Variants in TSGA10 observed in about 807,000 individuals in gnomAD.
TSGA10 encodes the protein testis specific 10.
In TSGA10, 43 loss-of-function variants were observed where a neutral mutation model predicts 96.6. That is an observed-to-expected ratio of 0.44 (90% CI 0.35 to 0.57). The LOEUF (loss-of-function observed/expected upper bound fraction) is 0.57, where lower values mean the gene tolerates loss of function less well. Ranked by LOEUF, TSGA10 falls within the 20% of genes least tolerant of loss-of-function variation. The pLI, the probability that TSGA10 is intolerant of heterozygous loss-of-function variation, is 0.01. For synonymous variants in TSGA10, 229 were observed against 269.9 expected, an observed-to-expected ratio of 0.85 and a Z score of 1.48; for missense variants, 703 against 834.4, an observed-to-expected ratio of 0.84 and a Z score of 1.94.
chr2:99,071,792 C>T lies in TSGA10; in HGVS notation c.1021G>A (p.Ala341Thr). ...ATATCTCTTTCCCTGGCGATCTGGG[C>T]CAGCTCATCATTTGTCTCATCCAAT... ...RQLDETNDEL[A>T]QIARERDILA... Residue 341 changes from alanine (A) to threonine (T), a missense_variant, in exon 14 of 21, where the codon GCC becomes ACC. Physicochemically the swap from Ala to Thr is moderately conservative, Grantham distance 58 (BLOSUM62 0). This residue lies in a region of TSGA10 where 585 missense variants were observed against 656.8 expected (regional missense o/e 0.89). Transcript: ENST00000393483. 6.2e-7 allele frequency: 1 copy of T among 1,614,010 alleles called. No individual in the cohort carries two copies. Among genetic ancestry groups the T allele is most frequent in the South Asian group, 1.1e-5 (1 of 91,076 alleles).
intron 16 of TSGA10, among the ~76,000 whole-genome samples, chr2:99,060,459 G>T (rs1212571962): frequency 6.6e-6 from 1 of 152,124 alleles, no homozygotes; most frequent in East Asian, 1.9e-4. Flanking sequence ...ATAAATAAAT[G>T]AGTGGATACA....
At chr2:99,084,764 A>C (rs1407997137) in intron 10 of TSGA10, among the ~76,000 whole-genome samples, 12 of 151,818 alleles carry the variant, frequency 7.9e-5, no homozygotes, top group Non-Finnish European at 1.8e-4. Context: ...CGTCTCTCCC[A>C]TCCCCCCATA....
intron 10 of TSGA10, among the ~76,000 whole-genome samples, chr2:99,091,442 AGT>A (rs2089323544): frequency 1.3e-5 from 2 of 152,212 alleles, no homozygotes; most frequent in Non-Finnish European, 2.9e-5. Context: ...TGAATAGAAT[AGT>A]GTGTCACATC....
At chr2:99,096,745 T>C (rs1407849955) in intron 10 of TSGA10, among the ~76,000 whole-genome samples, 1 of 152,208 alleles carries the variant, frequency 6.6e-6, no homozygotes, top group Non-Finnish European at 1.5e-5. Context: ...TATCTAAGCA[T>C]AAACTGATTA....
intron 20 of TSGA10, among the ~76,000 whole-genome samples, chr2:99,006,954 A>T (rs984178659): frequency 1.3e-5 from 2 of 152,266 alleles, no homozygotes; most frequent in Admixed American, 1.3e-4. Flanking sequence ...ACCATGGAAT[A>T]CTATGCAGCC....
At chr2:99,064,912 A>AT (rs1056492212) in intron 16 of TSGA10, 27 bp downstream of exon 16, 1 of 1,550,846 alleles carries the variant, frequency 6.4e-7, no homozygotes, top group Non-Finnish European at 8.7e-7. Flanking sequence ...TGCAGGATGT[A>AT]TTATAAGCAT....
At chr2:99,096,655 C>T (rs1174118747) in intron 10 of TSGA10, among the ~76,000 whole-genome samples, 2 of 152,128 alleles carry the variant, frequency 1.3e-5, no homozygotes, top group Non-Finnish European at 2.9e-5. Context: ...TGGCCAATTC[C>T]CCCCTTTCAA....
At chr2:99,008,164 G>A (rs1457727467) in intron 20 of TSGA10, among the ~76,000 whole-genome samples, 1 of 152,006 alleles carries the variant, frequency 6.6e-6, no homozygotes, top group African/African-American at 2.4e-5. Flanking sequence ...ACTGTGAATA[G>A]AAATCCAGAT....
intron 4 of TSGA10, among the ~76,000 whole-genome samples, chr2:99,114,455 T>C (rs2092079291): frequency 6.6e-6 from 1 of 152,154 alleles, no homozygotes; most frequent in African/African-American, 2.4e-5. Context: ...TATTTCCATT[T>C]TGTTCTCTCT....
intron 12 of TSGA10, among the ~76,000 whole-genome samples, chr2:99,077,912 G>T (rs1036315957): frequency 6.6e-6 from 1 of 151,968 alleles, no homozygotes; most frequent in African/African-American, 2.4e-5. Context: ...TGGGATGGAG[G>T]TTATCATCCA....
chr2:99,003,198 A>C (rs2078107786), intron 20 of TSGA10, among the ~76,000 whole-genome samples: 1 of 152,200 alleles, frequency 6.6e-6, no homozygotes, highest in Non-Finnish European at 1.5e-5. Context: ...AGAGACAAAG[A>C]AGGCCATTAC....
intron 20 of TSGA10, among the ~76,000 whole-genome samples, chr2:99,000,278 C>T (rs1558674006): frequency 6.6e-6 from 1 of 151,662 alleles, no homozygotes; most frequent in Non-Finnish European, 1.5e-5. Flanking sequence ...GAGGCCAAGG[C>T]AGGTGGATCA....
At chr2:99,147,457 G>T in intron 1 of TSGA10, 2 of 1,613,826 alleles carry the variant, frequency 1.2e-6, no homozygotes, top group Non-Finnish European at 1.7e-6. Flanking sequence ...CAATAGACTT[G>T]TTCACCCTTC....
intron 16 of TSGA10, among the ~76,000 whole-genome samples, chr2:99,050,208 C>T (rs1321489008): frequency 6.6e-6 from 1 of 152,020 alleles, no homozygotes; most frequent in Non-Finnish European, 1.5e-5. Context: ...TATAGTTGCC[C>T]TCATTTTTCC....
At chr2:99,030,768 ACTT>A (rs1264039510) in intron 17 of TSGA10, among the ~76,000 whole-genome samples, 2 of 152,294 alleles carry the variant, frequency 1.3e-5, no homozygotes, top group Admixed American at 6.5e-5. Context: ...AAAAAAGAAT[ACTT>A]CTTTTTATTT....
At chr2:99,099,656 T>C (rs920813894) in intron 10 of TSGA10, among the ~76,000 whole-genome samples, 4 of 152,144 alleles carry the variant, frequency 2.6e-5, no homozygotes, top group Non-Finnish European at 4.4e-5. Context: ...TTCTTAAATC[T>C]AATATTACAT....
At chr2:99,150,741 AGG>A in intron 1 of TSGA10, 1 of 1,613,964 alleles carries the variant, frequency 6.2e-7, no homozygotes, top group South Asian at 1.1e-5. Flanking sequence ...CAAGGATTGA[AGG>A]GACTGGCACA....
At chr2:99,003,495 A>G (rs2078162327) in intron 20 of TSGA10, among the ~76,000 whole-genome samples, 1 of 152,208 alleles carries the variant, frequency 6.6e-6, no homozygotes, top group Non-Finnish European at 1.5e-5. Context: ...AAAAGAATAT[A>G]CATTCTTCTC....
chr2:99,068,819 A>C, intron 15 of TSGA10, 69 bp downstream of exon 15: 1 of 722,230 alleles, frequency 1.4e-6, no homozygotes, highest in Non-Finnish European at 2.1e-6. Context: ...CGTTCTGAGT[A>C]TACCAACTTC....
Sources: allele counts gnomAD v4.1 joint callset (sites outside exome capture counted in the v4.1 genomes callset), GRCh38; gene constraint gnomAD v4.1.1; regional missense constraint gnomAD v4.1.1; transcripts MANE v1.5; gene names NCBI Gene and HGNC (gene_info 2026-07-23, HGNC 2026-07-21).